The following TRPC4AP variants were observed in gnomAD, a reference collection of about 807,000 sequenced individuals.
TRPC4AP encodes short transient receptor potential channel 4-associated protein.
TRPC4AP carries 45 observed loss-of-function variants against 99.0 expected under a neutral mutation model. The observed-to-expected ratio is 0.45, with a 90% confidence interval of 0.36 to 0.58. The LOEUF is 0.58. Among genes scored for constraint, TRPC4AP ranks in the 20% least tolerant of loss-of-function variants. The pLI is 0.00. For missense variants in TRPC4AP, 879 were observed against 985.3 expected (o/e 0.89, Z 1.44); for synonymous variants, 408 against 385.8 (o/e 1.06, Z -0.67).
chr20:35,005,489 T>G (rs2082497263), intron 16 of TRPC4AP, among the ~76,000 whole-genome samples: 1 of 152,194 alleles, frequency 6.6e-6, no homozygotes, highest in African/African-American at 2.4e-5. Context: ...CTTTGCATCT[T>G]GCTAGCAACA....
At chr20:35,089,679 T>C (rs932499666) in intron 1 of TRPC4AP, among the ~76,000 whole-genome samples, 6 of 151,922 alleles carry the variant, frequency 3.9e-5, no homozygotes, top group Admixed American at 3.9e-4. Flanking sequence ...TGAAACCCCA[T>C]CTCTACTAAA....
intron 2 of TRPC4AP, 46 bp downstream of exon 2, chr20:35,078,000 C>A: frequency 6.5e-7 from 1 of 1,531,320 alleles, no homozygotes; most frequent in South Asian, 1.2e-5. Context: ...CATCTTGTGT[C>A]ACCTAGAGGC....
intron 3 of TRPC4AP, among the ~76,000 whole-genome samples, chr20:35,063,967 G>A (rs2084075102): frequency 1.3e-5 from 2 of 152,124 alleles, no homozygotes; most frequent in South Asian, 2.1e-4. Context: ...GAATACTCCC[G>A]AATCTTAACA....
chr20:35,035,825 T>TAGAGAA (rs10627358), intron 7 of TRPC4AP, among the ~76,000 whole-genome samples: 116,286 of 151,566 alleles, frequency 0.77, 44,934 homozygotes, highest in Middle Eastern at 0.83. Context: ...GTTTACTTGT[T>TAGAGAA]AGAGAGTAAA....
chr20:35,044,212 G>A (rs1055964297), intron 7 of TRPC4AP, among the ~76,000 whole-genome samples: 8 of 151,760 alleles, frequency 5.3e-5, no homozygotes, highest in African/African-American at 1.5e-4. Context: ...GCAACATGGC[G>A]AAACCCCATC....
chr20:35,012,928 G>T, intron 11 of TRPC4AP, 80 bp downstream of exon 11: 1 of 1,471,104 alleles, frequency 6.8e-7, no homozygotes, highest in Non-Finnish European at 9.5e-7. Context: ...CTCGAGCTGA[G>T]GTCAGGGACC....
chr20:35,056,418 A>C (rs1247678840), intron 4 of TRPC4AP, among the ~76,000 whole-genome samples: 1 of 152,180 alleles, frequency 6.6e-6, no homozygotes, highest in Non-Finnish European at 1.5e-5. Flanking sequence ...AAATAATTAC[A>C]ATATGCTACT....
At chr20:35,019,770 A>G (rs896875604) in intron 9 of TRPC4AP, among the ~76,000 whole-genome samples, 3 of 152,186 alleles carry the variant, frequency 2.0e-5, no homozygotes, top group African/African-American at 4.8e-5. Context: ...AGGGACACCA[A>G]TGCTGTGGCT....
chr20:35,021,099 C>G (rs2082876542), intron 9 of TRPC4AP, 91 bp downstream of exon 9: 2 of 1,427,754 alleles, frequency 1.4e-6, no homozygotes. Flanking sequence ...GAGAGCCATT[C>G]TAACAGAAGG....
chr20:35,049,827 C>T (rs1260488417), intron 6 of TRPC4AP, 39 bp downstream of exon 6: 7 of 1,582,396 alleles, frequency 4.4e-6, no homozygotes, highest in Non-Finnish European at 5.2e-6. Context: ...TGGTCTGAGA[C>T]ACCCTTCCCC....
intron 1 of TRPC4AP, among the ~76,000 whole-genome samples, chr20:35,089,729 A>G (rs1285894574): frequency 1.3e-5 from 2 of 151,836 alleles, no homozygotes; most frequent in Admixed American, 6.6e-5. Context: ...CACGACTGTA[A>G]TCCCAGCTAC....
chr20:35,073,694 T>C (rs997290191), intron 2 of TRPC4AP, among the ~76,000 whole-genome samples: 1 of 152,216 alleles, frequency 6.6e-6, no homozygotes, highest in Non-Finnish European at 1.5e-5. Context: ...TTGAGGATTT[T>C]TGCATTGATG....
Position 35,002,980 on chromosome 20 carries a change from C to G in TRPC4AP, c.*166G>C. The G allele has an allele frequency of 1.1e-6, 1 of 935,606 alleles. No individual in the cohort carries two copies. The highest frequency in any genetic ancestry group is 2.6e-5 in the East Asian group (1 of 38,804). 58.0% of individuals were successfully genotyped at this position (935,606 alleles called of 1,614,324 possible). A position where few individuals can be genotyped will look rare whatever the true frequency, so the allele number is the denominator to read the frequency against. Reference sequence around the variant, plus strand: ...TCTCCATGACCTAGGGCCCTCAGACCCAGGGGGACCAAGGGCTTCTAGGAC... The same window carrying G: ...TCTCCATGACCTAGGGCCCTCAGACGCAGGGGGACCAAGGGCTTCTAGGAC... On this transcript the variant is annotated 3_prime_UTR_variant, in exon 19 of 19. Coordinates refer to ENST00000252015, the MANE Select transcript of TRPC4AP (RefSeq NM_015638.3).
At chr20:35,057,420 G>C in intron 4 of TRPC4AP, 94 bp downstream of exon 4, 1 of 982,532 alleles carries the variant, frequency 1.0e-6, no homozygotes, top group South Asian at 1.4e-5. Flanking sequence ...TTACTATTAA[G>C]AGTTAGGAAG....
At position 35,002,845 on chromosome 20, in the gene TRPC4AP, C is replaced by A. The variant is rs1244706431; in HGVS notation, c.*301G>T. 6 of 291,662 alleles carry A rather than the reference C, an allele frequency of 2.1e-5. No individual in the cohort carries two copies. Among genetic ancestry groups the A allele is most frequent in the African/African-American group, 6.5e-5 (3 of 45,954 alleles). 18.1% of individuals were successfully genotyped at this position (291,662 alleles called of 1,614,324 possible). On this transcript the variant is annotated 3_prime_UTR_variant, in exon 19 of 19. Coordinates refer to ENST00000252015, the MANE Select transcript of TRPC4AP (RefSeq NM_015638.3). Reference sequence around the variant, plus strand: ...CTGACAGCCAAGAAACCGGCAGGAGCTCACACAGAGCTAATGCTAAATGTC... The same window carrying A: ...CTGACAGCCAAGAAACCGGCAGGAGATCACACAGAGCTAATGCTAAATGTC...
intron 5 of TRPC4AP, among the ~76,000 whole-genome samples, chr20:35,050,703 A>C (rs1413603481): frequency 7.5e-6 from 1 of 133,716 alleles, no homozygotes; most frequent in African/African-American, 2.6e-5. Context: ...ACAGAGGGAG[A>C]CCCTAACTCA....
At position 35,035,244 on chromosome 20, in the gene TRPC4AP, T is replaced by C; in HGVS notation, c.930A>G (p.Ser310=). The part of the protein sequence containing the change: ...RLCKLATRKV[S]ESTGTASFLQ... Reference sequence around the variant, plus strand: ...GGAAGCTGGCTGTGCCCGTTGACTCTGACACCTTTCGAGTCGCCAGTTTGC... The same window carrying C: ...GGAAGCTGGCTGTGCCCGTTGACTCCGACACCTTTCGAGTCGCCAGTTTGC... The change falls in exon 8 of 19, where the codon TCA becomes TCG. Residue 310 remains serine, a synonymous_variant. Transcript: ENST00000252015. 6.2e-7 allele frequency: 1 copy of C among 1,614,154 alleles called. No homozygotes were observed. The highest frequency in any genetic ancestry group is 8.5e-7 in the Non-Finnish European group (1 of 1,180,024).
rs1309682873 is a variant in TRPC4AP at position 35,086,825 on chromosome 20, G to C, written c.168+5789C>G. Among the ~76,000 whole-genome samples the C allele has an allele frequency of 2.0e-5, 3 of 151,870 alleles. No individual in the cohort carries two copies. In the East Asian group the frequency reaches 5.8e-4, roughly 29 times the overall value. ...TGAGGTGGGTGGATCAAGAGATCAA[G>C]AGTTTGAGACCAGCCTAGCCAGCAT... On this transcript the variant is annotated intron_variant, in intron 1 of 18. Transcript: ENST00000252015.
chr20:35,023,506 C>A (rs2082943247), intron 8 of TRPC4AP, among the ~76,000 whole-genome samples: 1 of 152,124 alleles, frequency 6.6e-6, no homozygotes, highest in Non-Finnish European at 1.5e-5. Context: ...GAGGCAAAGA[C>A]TTAGGAAAAA....
Sources: allele counts gnomAD v4.1 joint callset (sites outside exome capture counted in the v4.1 genomes callset), GRCh38; gene constraint gnomAD v4.1.1; transcripts MANE v1.5; gene names NCBI Gene and HGNC (gene_info 2026-07-23, HGNC 2026-07-21).